Variants in MYO1G observed in about 807,000 individuals in gnomAD.
The protein encoded by MYO1G is unconventional myosin-Ig.
A neutral mutation model predicts 115.3 loss-of-function variants in MYO1G; 65 were observed. The observed-to-expected ratio is 0.56, with a 90% CI of 0.46 to 0.69. The LOEUF (loss-of-function observed/expected upper bound fraction) is 0.69. Ranked by LOEUF, MYO1G falls within the 30% of genes least tolerant of loss-of-function variation. The pLI, the probability that MYO1G is intolerant of heterozygous loss-of-function variation, is 0.00. For missense variants in MYO1G, 1,204 were observed against 1,393.5 expected (o/e 0.86, Z 2.16); for synonymous variants, 510 against 552.6 (o/e 0.92, Z 1.08).
chr7:44,969,658 C>A lies in MYO1G; in HGVS notation c.1503+47G>T. The A allele has an allele frequency of 6.2e-7, 1 of 1,603,790 alleles. No homozygotes were observed. The highest frequency in any genetic ancestry group is 1.3e-5 in the African/African-American group (1 of 74,934). ...CATGGGCAGCATGGTGCCTGTGGGG[C>A]AGGTCCCACCAGCCCACTGTGGTGG... On this transcript the variant is annotated intron_variant, in intron 11 of 21. Coordinates refer to ENST00000258787, the MANE Select transcript of MYO1G (RefSeq NM_033054.3). This position sits in a 1 kb window ranked among gnomAD's most constrained non-coding sequence, Gnocchi z 5.0.
intron 1 of MYO1G, among the ~76,000 whole-genome samples, chr7:44,977,462 C>G (rs1167216475): frequency 6.6e-6 from 1 of 150,614 alleles, no homozygotes; most frequent in African/African-American, 2.4e-5. Flanking sequence ...TGAGAAGTGA[C>G]TGGGCTGGGA....
intron 12 of MYO1G, 69 bp from the exon 13 acceptor site, chr7:44,968,027 G>A: frequency 7.6e-7 from 1 of 1,311,784 alleles, no homozygotes; most frequent in South Asian, 1.2e-5. Flanking sequence ...AATGACCCCA[G>A]CAGCCCCCAC....
In MYO1G at chr7:44,970,930, G is replaced by A. The variant is rs559240972; in HGVS notation, c.976C>T (p.Leu326=). The part of the protein sequence containing the change: ...ATPRDLVLRS[L]LARTVASGGR... ...CCCGAGGCAACTGTGCGAGCCAGCA[G>A]GGAGCGGAGCACGAGGTCCCGGGGT... Residue 326 remains leucine, a synonymous_variant, in exon 8 of 22, where the codon CTG becomes TTG. Coordinates refer to ENST00000258787, the MANE Select transcript of MYO1G (RefSeq NM_033054.3). 5.0e-6 allele frequency: 8 copies of A among 1,613,588 alleles called. No homozygotes were observed. In the East Asian group the frequency reaches 1.8e-4, roughly 36 times the overall value.
chr7:44,977,185 G>C lies in MYO1G; in HGVS notation c.96-114C>G, dbSNP rs1011467858. 4 of 965,610 alleles carry C rather than the reference G, an allele frequency of 4.1e-6. No individual in the cohort carries two copies. In the African/African-American group the frequency reaches 4.9e-5, roughly 12 times the overall value. The allele number at this position is 965,610 out of a possible 1,614,324, so 59.8% of individuals were successfully genotyped here. On this transcript the variant is annotated intron_variant, in intron 1 of 21. Transcript: ENST00000258787. ...AGTAGGCCAGCGCTCCCACCCTGAC[G>C]GGCTGAGAGTGGAGAAGGAAGAAGG...
At chr7:44,967,114 C>G (rs1212210071) in intron 14 of MYO1G, among the ~76,000 whole-genome samples, 1 of 152,192 alleles carries the variant, frequency 6.6e-6, no homozygotes, top group Non-Finnish European at 1.5e-5. Flanking sequence ...CCTTCCTTCT[C>G]TCCTTCCAAA....
rs760569666 is a variant in MYO1G, at chr7:44,964,426, G to A, written c.2620C>T (p.His874Tyr). 5 of 1,613,622 alleles carry A rather than the reference G, an allele frequency of 3.1e-6. No homozygotes were observed. Among genetic ancestry groups the A allele is most frequent in the Admixed American group, 3.3e-5 (2 of 59,998 alleles). The part of the protein sequence containing the change: ...DGFGAVLFSS[H>Y]VRKVNRFHKI... Reference sequence around the variant, plus strand: ...GTCCCTTGTCTAACCTTGCGGACATGGCTTGAAAAGAGCACAGCCCCGAAG... The same window carrying A: ...GTCCCTTGTCTAACCTTGCGGACATAGCTTGAAAAGAGCACAGCCCCGAAG... The change falls in exon 19 of 22, where the codon CAT becomes TAT. Residue 874 changes from histidine to tyrosine, a missense_variant. By Grantham distance (83) the His-to-Tyr change is moderately conservative (BLOSUM62 2). Coordinates refer to ENST00000258787, the MANE Select transcript of MYO1G (RefSeq NM_033054.3). The surrounding 1 kb of genome is among the most constrained non-coding windows in gnomAD (Gnocchi z 5.1).
chr7:44,966,908 G>C lies in MYO1G; in HGVS notation c.1783-70C>G. Reference sequence around the variant, plus strand: ...CTGTGCACCCTGCCCCACACCAGGGGCTTCCTAACCCCTCAAGGTCCCAGG... The same window carrying C: ...CTGTGCACCCTGCCCCACACCAGGGCCTTCCTAACCCCTCAAGGTCCCAGG... On this transcript the variant is annotated intron_variant, in intron 14 of 21. Transcript: ENST00000258787. The surrounding 1 kb of genome is among the most constrained non-coding windows in gnomAD (Gnocchi z 5.0). 6.8e-7 allele frequency: 1 copy of C among 1,480,908 alleles called. No homozygotes were observed. The highest frequency in any genetic ancestry group is 9.1e-7 in the Non-Finnish European group (1 of 1,101,830). 91.7% of individuals were successfully genotyped at this position (1,480,908 alleles called of 1,614,324 possible).
chr7:44,969,240 T>A lies in MYO1G; in HGVS notation c.1574+173A>T. 1 of 675,822 alleles carries A rather than the reference T, an allele frequency of 1.5e-6. No individual in the cohort carries two copies. The highest frequency in any genetic ancestry group is 2.7e-6 in the Non-Finnish European group (1 of 371,548). 41.9% of individuals were successfully genotyped at this position (675,822 alleles called of 1,614,324 possible). A position where few individuals can be genotyped will look rare whatever the true frequency, so the allele number is the denominator to read the frequency against. On this transcript the variant is annotated intron_variant, in intron 12 of 21. Coordinates refer to ENST00000258787, the MANE Select transcript of MYO1G (RefSeq NM_033054.3). This position sits in a 1 kb window ranked among gnomAD's most constrained non-coding sequence, Gnocchi z 5.0. ...ACTATCCTCAAACCCTGTTTCCTGC[T>A]CTTCACTTGTGAATCTGCTGTCCGG...
intron 5 of MYO1G, chr7:44,974,124 T>A (rs1795007037): frequency 6.7e-6 from 1 of 149,816 alleles, no homozygotes; most frequent in Non-Finnish European, 1.5e-5. Flanking sequence ...CAGACACTGC[T>A]GTGTCCCAGA....
At chr7:44,972,928 T>C (rs1794985711) in intron 5 of MYO1G, 1 of 152,200 alleles carries the variant, frequency 6.6e-6, no homozygotes, top group African/African-American at 2.4e-5. Context: ...AGAGCTCCAC[T>C]TCAGTGGGAG....
In MYO1G at chr7:44,969,810, G is replaced by A. The variant is rs763412382; in HGVS notation, c.1398C>T (p.Ala466=). The stretch of plus-strand genomic sequence containing the variant: ...CAGAGCTGCAGGCCTCGTCCAGCAC[G>A]GCCAGGATGCCACGGTGGGGCCGCT... ...LVERPHRGIL[A]VLDEACSSAG... is the part of the protein sequence containing the mutation. Residue 466 remains alanine (A), a synonymous_variant, in exon 11 of 22, where the codon GCC becomes GCT. Transcript: ENST00000258787. This position sits in a 1 kb window ranked among gnomAD's most constrained non-coding sequence, Gnocchi z 5.0. The A allele has an allele frequency of 1.4e-5, 22 of 1,613,146 alleles. No homozygotes were observed. The East Asian group carries it at 3.6e-4, about 26-fold the overall frequency.
Position 44,966,126 on chromosome 7 carries a change from G to T in MYO1G, c.2104C>A (p.Leu702Met), listed in dbSNP as rs566058703. 74 of 1,613,056 alleles carry T rather than the reference G, an allele frequency of 4.6e-5. 2 individuals carry two copies. In the South Asian group the frequency reaches 7.5e-4, roughly 16 times the overall value. ...ATGAGGCGGGCTCGGCTCTGCTCCAGTGTGACCAGTGTCCGGGGTGAGCGG... is the reference window on the plus strand; with the variant it reads ...ATGAGGCGGGCTCGGCTCTGCTCCATTGTGACCAGTGTCCGGGGTGAGCGG... ...FIRSPRTLVT[L>M]EQSRARLIPI... The change falls in exon 16 of 22, where the codon CTG becomes ATG. Residue 702 changes from leucine to methionine, a missense_variant. Coordinates refer to ENST00000258787, the MANE Select transcript of MYO1G (RefSeq NM_033054.3). The surrounding 1 kb of genome is among the most constrained non-coding windows in gnomAD (Gnocchi z 5.0).
chr7:44,976,623 C>A lies in MYO1G; in HGVS notation c.339G>T (p.Lys113Asn). The change falls in exon 3 of 22, where the codon AAG becomes AAT. Residue 113 changes from lysine to asparagine, a missense_variant. Transcript: ENST00000258787. ...CAGCAGCGATGTACTGCATGATGTGCTTACTGGCTTCTGTCTTCCCTGCCC... is the reference window on the plus strand; with the variant it reads ...CAGCAGCGATGTACTGCATGATGTGATTACTGGCTTCTGTCTTCCCTGCCC... ...ESGAGKTEAS[K>N]HIMQYIAAVT... The A allele has an allele frequency of 8.7e-6, 14 of 1,614,148 alleles. No homozygotes were observed. Among genetic ancestry groups the A allele is most frequent in the African/African-American group, 1.3e-5 (1 of 75,056 alleles).
At position 44,963,115 on chromosome 7, in the gene MYO1G, GC is replaced by G; in HGVS notation, c.2754del (p.Leu919Ter). ...MRAVPLEAVT[G>X]LSVTSGGDQL... ...TGGTCTCCTCCGCTGGTCACGCTCA[GC>G]CCCGTCACCTGAGCGGAGCGCGGGG... On this transcript the variant is annotated frameshift_variant, in exon 21 of 22. Coordinates refer to ENST00000258787, the MANE Select transcript of MYO1G (RefSeq NM_033054.3). LOFTEE classifies it high-confidence loss of function. This position sits in a 1 kb window ranked among gnomAD's most constrained non-coding sequence, Gnocchi z 4.1. 1 of 1,489,418 alleles carries G rather than the reference GC, an allele frequency of 6.7e-7. No homozygotes were observed. The highest frequency in any genetic ancestry group is 8.9e-7 in the Non-Finnish European group (1 of 1,124,948). 92.3% of individuals were successfully genotyped at this position (1,489,418 alleles called of 1,614,324 possible).
In MYO1G at chr7:44,966,967, C is replaced by T. The variant is rs1053222028; in HGVS notation, c.1783-129G>A. The T allele has an allele frequency of 3.7e-6, 4 of 1,085,246 alleles. No homozygotes were observed. In the Admixed American group the frequency reaches 9.6e-5, roughly 26 times the overall value. The allele number at this position is 1,085,246 out of a possible 1,614,324, so 67.2% of individuals were successfully genotyped here. On this transcript the variant is annotated intron_variant, in intron 14 of 21. Transcript: ENST00000258787. This position sits in a 1 kb window ranked among gnomAD's most constrained non-coding sequence, Gnocchi z 5.0. ...AGAGTTGGGAACAAAGAAGGGAAAT[C>T]AGCAGAACAAGGGCCCTGGAAGCCC...
At position 44,969,365 on chromosome 7, in the gene MYO1G, A is replaced by G. The variant is rs999109655; in HGVS notation, c.1574+48T>C. 9 of 1,593,312 alleles carry G rather than the reference A, an allele frequency of 5.6e-6. No homozygotes were observed. The highest frequency in any genetic ancestry group is 1.7e-5 in the Admixed American group (1 of 59,978). ...GCGCTCCTGCCCCATGACACATGCCATGGTGCCTGTGGGAAAGCCAGGGAT... is the reference window on the plus strand; with the variant it reads ...GCGCTCCTGCCCCATGACACATGCCGTGGTGCCTGTGGGAAAGCCAGGGAT... On this transcript the variant is annotated intron_variant, in intron 12 of 21. Coordinates refer to ENST00000258787, the MANE Select transcript of MYO1G (RefSeq NM_033054.3). This position sits in a 1 kb window ranked among gnomAD's most constrained non-coding sequence, Gnocchi z 5.0.
chr7:44,971,767 C>T lies in MYO1G; in HGVS notation c.752G>A (p.Ser251Asn). The T allele has an allele frequency of 6.4e-7, 1 of 1,555,884 alleles. No homozygotes were observed. Among genetic ancestry groups the T allele is most frequent in the Non-Finnish European group, 8.7e-7 (1 of 1,149,024 alleles). Residue 251 changes from serine to asparagine, a missense_variant, in exon 7 of 22, where the codon AGC (serine) becomes AAC (asparagine). Ser to Asn is a conservative substitution (Grantham distance 46). Coordinates refer to ENST00000258787, the MANE Select transcript of MYO1G (RefSeq NM_033054.3). The stretch of plus-strand genomic sequence containing the variant: ...CATGGCCTCGGTCACTGCCTGGTGG[C>T]TCTGCTCATCACTGTCCAAGGCCTA... ...VHSALDSDEQSHQAVTEAMRV... is the reference protein window; with the variant it reads ...VHSALDSDEQNHQAVTEAMRV...
chr7:44,965,861 C>T lies in MYO1G; in HGVS notation c.2158-1G>A. On this transcript the variant is annotated splice_acceptor_variant, in intron 16 of 21. Transcript: ENST00000258787. LOFTEE classifies it high-confidence loss of function. ...ACCTCGCCAAGGTGCCCCGCCATGCCTGGGTGGGCCAGGTGGGATGGGATA... is the reference window on the plus strand; with the variant it reads ...ACCTCGCCAAGGTGCCCCGCCATGCTTGGGTGGGCCAGGTGGGATGGGATA... The T allele has an allele frequency of 6.3e-7, 1 of 1,598,362 alleles. No individual in the cohort carries two copies.
At chr7:44,967,494 A>T (rs1448835690) in intron 14 of MYO1G, 111 bp downstream of exon 14, 2 of 1,422,880 alleles carry the variant, frequency 1.4e-6, no homozygotes, top group African/African-American at 1.4e-5. Context: ...ACAGGACAAG[A>T]ACCCTCTCCC....
Sources: allele counts gnomAD v4.1 joint callset (sites outside exome capture counted in the v4.1 genomes callset), GRCh38; gene constraint gnomAD v4.1.1; non-coding constraint Gnocchi (gnomAD v3.1); transcripts MANE v1.5; gene names NCBI Gene and HGNC (gene_info 2026-07-23, HGNC 2026-07-21).